Variants in ARID4B observed in about 807,000 individuals in gnomAD.
ARID4B encodes the protein AT-rich interactive domain-containing protein 4B.
In ARID4B, 26 loss-of-function variants were observed where a neutral mutation model predicts 147.5. The ratio of observed to expected loss-of-function variants is 0.18; its 90% CI spans 0.13 to 0.24. The LOEUF (loss-of-function observed/expected upper bound fraction) is 0.24. Ranked by LOEUF, ARID4B falls within the 10% of genes least tolerant of loss-of-function variation. The probability of loss-of-function intolerance (pLI) is 1.00; values close to 1 mark genes in which losing one functional copy is unlikely to be tolerated. For missense variants in ARID4B, 1,179 were observed against 1,511.5 expected, an observed-to-expected ratio of 0.78 and a Z score of 3.65; for synonymous variants, 512 against 507.9, an observed-to-expected ratio of 1.01 and a Z score of -0.11.
rs964420957 is a variant in ARID4B, at chr1:235,168,307, C to T, written c.*218G>A. The T allele has an allele frequency of 1.7e-5, 8 of 466,612 alleles. No individual in the cohort carries two copies. Among genetic ancestry groups the T allele is most frequent in the African/African-American group, 1.6e-4 (8 of 50,354 alleles). 28.9% of individuals were successfully genotyped at this position (466,612 alleles called of 1,614,324 possible). A position where few individuals can be genotyped will look rare whatever the true frequency, so the allele number is the denominator to read the frequency against. ...CCTTCCAGTTACCAGACACACAATT[C>T]CCAGACAAGTTGGAAACAATTATTG... On this transcript the variant is annotated 3_prime_UTR_variant, in exon 24 of 24. Transcript: ENST00000264183.
intron 18 of ARID4B, 118 bp downstream of exon 18, chr1:235,195,913 A>G: frequency 1.5e-6 from 1 of 655,198 alleles, no homozygotes; most frequent in Non-Finnish European, 2.7e-6. Flanking sequence ...ATACAAATCT[A>G]GCATTTGAAA....
At chr1:235,231,318 A>C in intron 9 of ARID4B, 129 bp from the exon 10 acceptor site, 1 of 557,944 alleles carries the variant, frequency 1.8e-6, no homozygotes, top group South Asian at 3.0e-5. Flanking sequence ...TTTACAATAA[A>C]AGTGATTGCA....
intron 23 of ARID4B, among the ~76,000 whole-genome samples, chr1:235,169,230 G>GTT (rs551988389): frequency 1.4e-5 from 2 of 147,858 alleles, no homozygotes; most frequent in Non-Finnish European, 3.0e-5. Context: ...TCCTTTTTTC[G>GTT]TTTTTTTTTG....
At chr1:235,261,134 G>C (rs938109544) in intron 2 of ARID4B, among the ~76,000 whole-genome samples, 1 of 152,074 alleles carries the variant, frequency 6.6e-6, no homozygotes, top group African/African-American at 2.4e-5. Context: ...TTCTGGGGTG[G>C]GGGGGAAATC....
chr1:235,169,456 T>A (rs185418213), intron 23 of ARID4B, among the ~76,000 whole-genome samples: 1 of 152,028 alleles, frequency 6.6e-6, no homozygotes, highest in Non-Finnish European at 1.5e-5. Flanking sequence ...TTAGCCAGGA[T>A]GGTCTCGATC....
At chr1:235,179,722 A>G (rs995657129) in intron 20 of ARID4B, among the ~76,000 whole-genome samples, 2 of 151,354 alleles carry the variant, frequency 1.3e-5, no homozygotes, top group African/African-American at 2.4e-5. Flanking sequence ...TTTTGTTGTT[A>G]ATTTTAATCT....
intron 2 of ARID4B, among the ~76,000 whole-genome samples, chr1:235,325,016 C>G (rs1364155036): frequency 6.6e-6 from 1 of 152,112 alleles, no homozygotes; most frequent in Non-Finnish European, 1.5e-5. Context: ...GCAATTTTTG[C>G]TAAAGCAAAA....
intron 17 of ARID4B, among the ~76,000 whole-genome samples, chr1:235,200,992 A>G (rs2102978456): frequency 6.6e-6 from 1 of 152,182 alleles, no homozygotes; most frequent in African/African-American, 2.4e-5. Context: ...AAATACAAAA[A>G]AAATTAGCTG....
intron 16 of ARID4B, 43 bp downstream of exon 16, chr1:235,219,750 C>T: frequency 6.9e-7 from 1 of 1,458,372 alleles, no homozygotes; most frequent in East Asian, 2.3e-5. Context: ...TGATAAGAAT[C>T]CATCAAGCTG....
At chr1:235,308,709 G>T (rs1453951991) in intron 2 of ARID4B, among the ~76,000 whole-genome samples, 1 of 152,132 alleles carries the variant, frequency 6.6e-6, no homozygotes, top group South Asian at 2.1e-4. Context: ...GCTCCTAACC[G>T]CGAGTGATCC....
chr1:235,173,848 T>A (rs1663646338), intron 22 of ARID4B, among the ~76,000 whole-genome samples: 1 of 135,608 alleles, frequency 7.4e-6, no homozygotes, highest in African/African-American at 2.7e-5. Context: ...TACCTTTTTT[T>A]AAATGAAGAT....
chr1:235,305,855 G>T (rs1230102075), intron 2 of ARID4B, among the ~76,000 whole-genome samples: 1 of 152,090 alleles, frequency 6.6e-6, no homozygotes, highest in African/African-American at 2.4e-5. Flanking sequence ...AGCTACTCAG[G>T]AGGCTAAGGT....
intron 2 of ARID4B, among the ~76,000 whole-genome samples, chr1:235,275,754 A>G (rs1169610568): frequency 6.6e-6 from 1 of 152,224 alleles, no homozygotes; most frequent in East Asian, 1.9e-4. Context: ...AGCACCCACA[A>G]TGCCCTGGGA....
rs368186486 is a variant in ARID4B at position 235,269,780 on chromosome 1, G to C, written c.7-9028C>G. ...TTAACAACTGGCCAGTCTGGTGAAGGAGATTACATGAACTATTTATACAGC... is the reference window on the plus strand; with the variant it reads ...TTAACAACTGGCCAGTCTGGTGAAGCAGATTACATGAACTATTTATACAGC... On this transcript the variant is annotated intron_variant, in intron 2 of 23. Coordinates refer to ENST00000264183, the MANE Select transcript of ARID4B (RefSeq NM_016374.6). Among the ~76,000 whole-genome samples, 77 of 152,172 alleles carry C rather than the reference G, an allele frequency of 5.1e-4. 1 individual carries two copies. The South Asian group carries it at 0.016, about 32-fold the overall frequency.
chr1:235,305,935 AGGC>A (rs1262096619), intron 2 of ARID4B, among the ~76,000 whole-genome samples: 3 of 152,240 alleles, frequency 2.0e-5, no homozygotes, highest in African/African-American at 7.2e-5. Flanking sequence ...ATTCCTGCCC[AGGC>A]AACAGAGCAA....
At chr1:235,181,547 A>C in intron 20 of ARID4B, 38 bp downstream of exon 20, 1 of 1,581,240 alleles carries the variant, frequency 6.3e-7, no homozygotes, top group East Asian at 2.2e-5. Context: ...AAGAGGGGAA[A>C]CCCTAAAATA....
intron 2 of ARID4B, among the ~76,000 whole-genome samples, chr1:235,294,056 CCTT>C (rs1413407780): frequency 5.3e-5 from 8 of 152,000 alleles, no homozygotes; most frequent in African/African-American, 1.9e-4. Flanking sequence ...GTTCCAGTTG[CCTT>C]CTATTGACAT....
intron 2 of ARID4B, among the ~76,000 whole-genome samples, chr1:235,290,729 C>T (rs983152047): frequency 1.3e-5 from 2 of 152,140 alleles, no homozygotes; most frequent in African/African-American, 4.8e-5. Flanking sequence ...GACGGGGAGA[C>T]AACTTTTTAA....
chr1:235,175,419 T>G lies in ARID4B; in HGVS notation c.3449-20A>C, dbSNP rs1383373525. 6 of 1,560,580 alleles carry G rather than the reference T, an allele frequency of 3.8e-6. No homozygotes were observed. Among genetic ancestry groups the G allele is most frequent in the Non-Finnish European group, 5.3e-6 (6 of 1,138,308 alleles). On this transcript the variant is annotated intron_variant, in intron 21 of 23. Coordinates refer to ENST00000264183, the MANE Select transcript of ARID4B (RefSeq NM_016374.6). ...TATTTGCTGAAAGAGAAAGAAAAGA[T>G]TTAATAAACAAAAATGTAACAATAA...
Sources: allele counts gnomAD v4.1 joint callset (sites outside exome capture counted in the v4.1 genomes callset), GRCh38; gene constraint gnomAD v4.1.1; transcripts MANE v1.5; gene names NCBI Gene and HGNC (gene_info 2026-07-23, HGNC 2026-07-21).